The following FBXL7 variants were observed in gnomAD, a reference collection of about 807,000 sequenced individuals.
FBXL7 encodes the protein F-box/LRR-repeat protein 7.
A neutral mutation model predicts 38.3 loss-of-function variants in FBXL7; 12 were observed. That is an observed-to-expected ratio of 0.31 (90% CI 0.20 to 0.51). The LOEUF is 0.51. Ranked by LOEUF, FBXL7 falls within the 20% of genes least tolerant of loss-of-function variation. The probability of loss-of-function intolerance (pLI) is 0.98; values close to 1 mark genes in which losing one functional copy is unlikely to be tolerated. For missense variants in FBXL7, 567 were observed against 676.4 expected (o/e 0.84, Z 1.79); for synonymous variants, 297 against 300.9 (o/e 0.99, Z 0.13).
intron 1 of FBXL7, among the ~76,000 whole-genome samples, chr5:15,611,382 T>C (rs1740230808): frequency 6.6e-6 from 1 of 151,706 alleles, no homozygotes; most frequent in Non-Finnish European, 1.5e-5. Flanking sequence ...AAGTGTAGTG[T>C]TGAAGAGCTG....
At chr5:15,708,055 T>G (rs1743746119) in intron 2 of FBXL7, among the ~76,000 whole-genome samples, 2 of 152,252 alleles carry the variant, frequency 1.3e-5, no homozygotes, top group Non-Finnish European at 2.9e-5. Flanking sequence ...TTATTTGTAT[T>G]TCTATGCCAA....
intron 2 of FBXL7, among the ~76,000 whole-genome samples, chr5:15,740,847 G>A (rs1357188744): frequency 6.6e-6 from 1 of 152,204 alleles, no homozygotes; most frequent in Non-Finnish European, 1.5e-5. Flanking sequence ...AGGCACAGTT[G>A]TCAGAGGTGG....
In FBXL7 at chr5:15,615,995, C is replaced by T. The variant is rs779184907; in HGVS notation, c.50C>T (p.Ser17Leu). The T allele has an allele frequency of 3.7e-6, 6 of 1,612,270 alleles. No homozygotes were observed. Among genetic ancestry groups the T allele is most frequent in the East Asian group, 4.5e-5 (2 of 44,720 alleles). Residue 17 changes from serine to leucine, a missense_variant, in exon 2 of 4, where the codon TCG (serine) becomes TTG (leucine). By Grantham distance (145) the Ser-to-Leu change is moderately radical (BLOSUM62 -2). Coordinates refer to ENST00000504595, the MANE Select transcript of FBXL7 (RefSeq NM_012304.5). ...KQYGSEGKGS[S>L]SISSDVSSST... is the part of the protein sequence containing the mutation. ...CTGTTTCTTCCAGGCAAAGGCAGCT[C>T]GAGCATCTCATCTGACGTGAGTTCA...
intron 1 of FBXL7, among the ~76,000 whole-genome samples, chr5:15,515,709 A>G (rs942667038): frequency 3.3e-5 from 5 of 152,206 alleles, no homozygotes; most frequent in African/African-American, 1.2e-4. Context: ...GGAATATGCA[A>G]TGCTTATTAA....
chr5:15,937,230 A>G lies in FBXL7; in HGVS notation c.*44A>G. 1 of 1,491,122 alleles carries G rather than the reference A, an allele frequency of 6.7e-7. No individual in the cohort carries two copies. Among genetic ancestry groups the G allele is most frequent in the Non-Finnish European group, 8.9e-7 (1 of 1,123,108 alleles). 92.4% of individuals were successfully genotyped at this position (1,491,122 alleles called of 1,614,324 possible). On this transcript the variant is annotated 3_prime_UTR_variant, in exon 4 of 4. Transcript: ENST00000504595. The stretch of plus-strand genomic sequence containing the variant: ...GCGTTGTATTCACACAAACCTGAAC[A>G]AAGCAAATTTTTTTAAAAGCAGCGT...
intron 2 of FBXL7, among the ~76,000 whole-genome samples, chr5:15,758,136 C>T (rs1460047473): frequency 6.6e-6 from 1 of 152,008 alleles, no homozygotes; most frequent in Non-Finnish European, 1.5e-5. Flanking sequence ...ACTGGGGCCT[C>T]TTTCTTTACC....
At chr5:15,523,420 G>A (rs1045610648) in intron 1 of FBXL7, among the ~76,000 whole-genome samples, 11 of 152,088 alleles carry the variant, frequency 7.2e-5, no homozygotes, top group African/African-American at 2.7e-4. Context: ...TTAGCTGGGT[G>A]TGGTGGCAGA....
chr5:15,594,882 A>G (rs1484656670), intron 1 of FBXL7, among the ~76,000 whole-genome samples: 1 of 152,180 alleles, frequency 6.6e-6, no homozygotes, highest in Admixed American at 6.5e-5. Context: ...CCCATTGCTA[A>G]GTTTAGCTGC....
At chr5:15,567,912 C>T (rs1241594124) in intron 1 of FBXL7, among the ~76,000 whole-genome samples, 3 of 152,138 alleles carry the variant, frequency 2.0e-5, no homozygotes, top group Non-Finnish European at 4.4e-5. Context: ...CATGTCCCTA[C>T]AAAAGACATA....
intron 1 of FBXL7, among the ~76,000 whole-genome samples, chr5:15,571,349 G>A (rs1580377864): frequency 6.6e-6 from 1 of 152,104 alleles, no homozygotes; most frequent in Non-Finnish European, 1.5e-5. Flanking sequence ...AGGGGCTTTT[G>A]TTGGGAATCT....
chr5:15,924,941 A>G (rs1234037992), intron 2 of FBXL7, among the ~76,000 whole-genome samples: 1 of 152,168 alleles, frequency 6.6e-6, no homozygotes, highest in African/African-American at 2.4e-5. Context: ...CTAGTGAGGC[A>G]TGTTCTCCTC....
rs558949182 is a variant in FBXL7 at position 15,656,612 on chromosome 5, C to T, written c.127+40540C>T. Reference sequence around the variant, plus strand: ...CCTCCCACAACAATTATGGGAGTTACGGCAGCTACAATTCAAGATATGATT... The same window carrying T: ...CCTCCCACAACAATTATGGGAGTTATGGCAGCTACAATTCAAGATATGATT... On this transcript the variant is annotated intron_variant, in intron 2 of 3. Coordinates refer to ENST00000504595, the MANE Select transcript of FBXL7 (RefSeq NM_012304.5). Among the ~76,000 whole-genome samples, 114 of 152,114 alleles carry T rather than the reference C, an allele frequency of 7.5e-4. 2 individuals are homozygous for T. The highest frequency in any genetic ancestry group is 7.1e-3 in the Admixed American group (109 of 15,282).
intron 2 of FBXL7, among the ~76,000 whole-genome samples, chr5:15,916,556 C>T (rs1181476877): frequency 6.6e-6 from 1 of 152,046 alleles, no homozygotes; most frequent in Non-Finnish European, 1.5e-5. Flanking sequence ...GCAAAGGACA[C>T]CTGAGAAGCA....
intron 2 of FBXL7, among the ~76,000 whole-genome samples, chr5:15,677,476 G>GAGAGAGCGAC (rs1742700588): frequency 6.7e-6 from 1 of 149,982 alleles, no homozygotes; most frequent in African/African-American, 2.4e-5. Flanking sequence ...AAGAAAGAAA[G>GAGAGAGCGAC]AGAGAGAGAG....
intron 2 of FBXL7, among the ~76,000 whole-genome samples, chr5:15,795,158 C>G (rs1461088984): frequency 6.6e-6 from 1 of 152,156 alleles, no homozygotes; most frequent in Non-Finnish European, 1.5e-5. Flanking sequence ...CTATAGCCTT[C>G]TCTTCCTCCA....
chr5:15,544,606 G>A (rs1737850379), intron 1 of FBXL7, among the ~76,000 whole-genome samples: 1 of 151,960 alleles, frequency 6.6e-6, no homozygotes, highest in Non-Finnish European at 1.5e-5. Flanking sequence ...CCACCAAATA[G>A]AAAAGAAGGA....
chr5:15,572,487 G>C (rs1429284611), intron 1 of FBXL7, among the ~76,000 whole-genome samples: 3 of 151,682 alleles, frequency 2.0e-5, no homozygotes, highest in African/African-American at 7.3e-5. Flanking sequence ...CAAATGTGCA[G>C]CAACCCACCT....
intron 1 of FBXL7, among the ~76,000 whole-genome samples, chr5:15,560,690 G>A (rs924462589): frequency 6.6e-5 from 10 of 152,168 alleles, no homozygotes; most frequent in Admixed American, 2.6e-4. Context: ...AATGTTAGCA[G>A]TCTCTTTCAA....
chr5:15,874,946 A>G (rs560699500), intron 2 of FBXL7, among the ~76,000 whole-genome samples: 1 of 152,200 alleles, frequency 6.6e-6, no homozygotes, highest in Admixed American at 6.5e-5. Flanking sequence ...AAAAGAGCCC[A>G]TATAGCCAAG....
Sources: allele counts gnomAD v4.1 joint callset (sites outside exome capture counted in the v4.1 genomes callset), GRCh38; gene constraint gnomAD v4.1.1; transcripts MANE v1.5; gene names NCBI Gene and HGNC (gene_info 2026-07-23, HGNC 2026-07-21).